Variants in CTDP1 observed in about 807,000 individuals in gnomAD.
The protein encoded by CTDP1 is CTD phosphatase 1.
CTDP1 carries 47 observed loss-of-function variants against 91.8 expected under a neutral mutation model. The observed-to-expected ratio is 0.51, with a 90% CI of 0.41 to 0.65. The LOEUF (loss-of-function observed/expected upper bound fraction) is 0.65, where lower values mean the gene tolerates loss of function less well. Ranked by LOEUF, CTDP1 falls within the 30% of genes least tolerant of loss-of-function variation. The pLI is 0.00. For missense variants in CTDP1, 1,272 were observed against 1,373.7 expected (o/e 0.93, Z 1.17); for synonymous variants, 656 against 598.5 (o/e 1.10, Z -1.40).
intron 1 of CTDP1, among the ~76,000 whole-genome samples, chr18:79,690,830 C>A (rs2085605200): frequency 6.6e-6 from 1 of 152,178 alleles, no homozygotes; most frequent in African/African-American, 2.4e-5. Context: ...GCAGAGCCTG[C>A]ACTAGAATAA....
chr18:79,744,345 C>T (rs1228420060), intron 12 of CTDP1, among the ~76,000 whole-genome samples: 2 of 152,222 alleles, frequency 1.3e-5, no homozygotes, highest in African/African-American at 4.8e-5. Flanking sequence ...AGACCTGACA[C>T]AGATACTTGG....
intron 1 of CTDP1, among the ~76,000 whole-genome samples, chr18:79,683,993 A>G (rs2085430675): frequency 6.6e-6 from 1 of 152,246 alleles, no homozygotes; most frequent in East Asian, 1.9e-4. Flanking sequence ...ATTTTTCAGG[A>G]ATAACGGGAA....
chr18:79,752,409 C>T lies in CTDP1; in HGVS notation c.2748-1243C>T, dbSNP rs1163999248. ...GCTCGTAAGGAAAGCCTAGTGGCACCGGCTGGTTATGCAGAGGCTCGTAAG... is the reference window on the plus strand; with the variant it reads ...GCTCGTAAGGAAAGCCTAGTGGCACTGGCTGGTTATGCAGAGGCTCGTAAG... On this transcript the variant is annotated intron_variant, in intron 12 of 12. Transcript: ENST00000613122. Among the ~76,000 whole-genome samples, 35 of 102,660 alleles carry T rather than the reference C, an allele frequency of 3.4e-4. 1 individual carries two copies. Among genetic ancestry groups the T allele is most frequent in the African/African-American group, 1.2e-3 (31 of 26,478 alleles). The allele number at this position is 102,660 out of a possible 152,430, so 67.3% of individuals were successfully genotyped here. A position where few individuals can be genotyped will look rare whatever the true frequency, so the allele number is the denominator to read the frequency against.
chr18:79,681,482 C>G, intron 1 of CTDP1: 1 of 985,428 alleles, frequency 1.0e-6, no homozygotes, highest in African/African-American at 1.7e-5. Context: ...TTCTGTTCCT[C>G]TGATTGTACA....
intron 11 of CTDP1, chr18:79,735,974 G>A (rs901239428): frequency 1.7e-5 from 4 of 235,110 alleles, no homozygotes; most frequent in African/African-American, 9.0e-5. Flanking sequence ...ACGCCTCCCT[G>A]AAAGCCCTGC....
chr18:79,729,193 G>A (rs2086514503), intron 11 of CTDP1, 124 bp downstream of exon 11: 1 of 1,243,678 alleles, frequency 8.0e-7, no homozygotes, highest in African/African-American at 1.5e-5. Flanking sequence ...CACTTGTGTA[G>A]TTGTGTCTGG....
In CTDP1 at chr18:79,736,360, CGACATCCTT is replaced by C; in HGVS notation, c.2588_2596del (p.Asp863_Leu865del). On this transcript the variant is annotated inframe_deletion, in exon 12 of 13. Coordinates refer to ENST00000613122, the MANE Select transcript of CTDP1 (RefSeq NM_004715.5). Reference sequence around the variant, plus strand: ...GACTCTTGGCTGTTTGTCAGGTGGACGACATCCTTGGAGAAGGCAGCGACGACAGCGACA... The same window carrying C: ...GACTCTTGGCTGTTTGTCAGGTGGACGGAGAAGGCAGCGACGACAGCGACA... 6.5e-7 allele frequency: 1 copy of C among 1,549,096 alleles called. No individual in the cohort carries two copies. The highest frequency in any genetic ancestry group is 1.4e-5 in the African/African-American group (1 of 73,076).
intron 1 of CTDP1, among the ~76,000 whole-genome samples, chr18:79,682,443 C>A (rs2085394557): frequency 6.6e-6 from 1 of 152,226 alleles, no homozygotes; most frequent in Non-Finnish European, 1.5e-5. Context: ...GTAGAAATCT[C>A]CGCAGCTTTT....
intron 6 of CTDP1, among the ~76,000 whole-genome samples, chr18:79,712,067 C>T (rs1251627489): frequency 7.5e-6 from 1 of 132,736 alleles, no homozygotes; most frequent in East Asian, 2.2e-4. Flanking sequence ...ACTTCAGAAA[C>T]CTCCTTTTTG....
intron 10 of CTDP1, among the ~76,000 whole-genome samples, chr18:79,725,177 CT>C (rs2086420411): frequency 6.6e-6 from 1 of 152,170 alleles, no homozygotes; most frequent in Non-Finnish European, 1.5e-5. Flanking sequence ...GTATAGTAAC[CT>C]TGATGCGCTT....
At position 79,713,209 on chromosome 18, in the gene CTDP1, ATC is replaced by A; in HGVS notation, c.1030+75_1030+76del. On this transcript the variant is annotated intron_variant, in intron 7 of 12. Transcript: ENST00000613122. This position sits in a 1 kb window ranked among gnomAD's most constrained non-coding sequence, Gnocchi z 4.7. The stretch of plus-strand genomic sequence containing the variant: ...TATTGTTTAGCTCTTCTTATTTCTT[ATC>A]TCTGTTTTGACTGCTATAAATTCAA... The A allele has an allele frequency of 2.0e-6, 3 of 1,464,240 alleles. No homozygotes were observed. The highest frequency in any genetic ancestry group is 1.2e-5 in the South Asian group (1 of 84,176). The allele number at this position is 1,464,240 out of a possible 1,614,324, so 90.7% of individuals were successfully genotyped here. A position where few individuals can be genotyped will look rare whatever the true frequency, so the allele number is the denominator to read the frequency against.
intron 4 of CTDP1, among the ~76,000 whole-genome samples, chr18:79,700,422 A>C (rs1351831626): frequency 6.6e-6 from 1 of 152,236 alleles, no homozygotes; most frequent in Non-Finnish European, 1.5e-5. Flanking sequence ...CTTATTGCTG[A>C]GAAAGAGAAA....
At chr18:79,733,777 A>C (rs1248861647) in intron 11 of CTDP1, among the ~76,000 whole-genome samples, 1 of 152,044 alleles carries the variant, frequency 6.6e-6, no homozygotes, top group East Asian at 1.9e-4. Context: ...AGAGCTGGGG[A>C]GAGTTTTATT....
intron 10 of CTDP1, among the ~76,000 whole-genome samples, chr18:79,725,364 TTCTCCA>T: frequency 6.6e-6 from 1 of 152,212 alleles, no homozygotes; most frequent in Non-Finnish European, 1.5e-5. Context: ...TTCGGGAGAA[TTCTCCA>T]GTGAGACCGT....
rs374658639 is a variant in CTDP1, at chr18:79,695,931, C to T, written c.399-46C>T. ...ACTTAGAGCCCAGTGTGCATCTGTG[C>T]GCAGAGACTCAGCTGAAAGCCCTGA... On this transcript the variant is annotated intron_variant, in intron 2 of 12. Coordinates refer to ENST00000613122, the MANE Select transcript of CTDP1 (RefSeq NM_004715.5). 2.4e-5 allele frequency: 35 copies of T among 1,485,328 alleles called. No individual in the cohort carries two copies. The East Asian group carries it at 2.9e-4, about 12-fold the overall frequency. The allele number at this position is 1,485,328 out of a possible 1,614,324, so 92.0% of individuals were successfully genotyped here.
chr18:79,683,642 C>G (rs746175243), intron 1 of CTDP1, among the ~76,000 whole-genome samples: 1 of 152,256 alleles, frequency 6.6e-6, no homozygotes, highest in Non-Finnish European at 1.5e-5. Flanking sequence ...CGCAGGCGAT[C>G]TGACGTTGGA....
At chr18:79,714,118 A>G (rs1207103428) in intron 7 of CTDP1, among the ~76,000 whole-genome samples, 1 of 152,104 alleles carries the variant, frequency 6.6e-6, no homozygotes, top group East Asian at 1.9e-4. Flanking sequence ...CAGCCCGGAA[A>G]CCTCTAGTTG....
At chr18:79,725,362 A>T (rs2086425206) in intron 10 of CTDP1, among the ~76,000 whole-genome samples, 1 of 152,128 alleles carries the variant, frequency 6.6e-6, no homozygotes, top group Non-Finnish European at 1.5e-5. Flanking sequence ...TATTCGGGAG[A>T]ATTCTCCAGT....
Position 79,742,374 on chromosome 18 carries a change from TCTC to T in CTDP1, c.2747+5857_2747+5859del, listed in dbSNP as rs200780847. Reference sequence around the variant, plus strand: ...GAGAACCCATCACACCACAGCCGCTTCTCCTCAGAGATGGCACCACCACACCCA... The same window carrying T: ...GAGAACCCATCACACCACAGCCGCTTCTCAGAGATGGCACCACCACACCCA... On this transcript the variant is annotated intron_variant, in intron 12 of 12. Transcript: ENST00000613122. 5.7e-3 allele frequency among the ~76,000 whole-genome samples: 865 copies of T among 152,130 alleles called. 3 individuals are homozygous for T. The highest frequency in any genetic ancestry group is 0.019 in the African/African-American group (794 of 41,486).
Sources: gnomAD v4.1 joint callset for allele counts (sites outside exome capture counted in the v4.1 genomes callset) on GRCh38, gnomAD v4.1.1 for gene constraint, Gnocchi (gnomAD v3.1) non-coding constraint, MANE v1.5 for transcripts, NCBI Gene and HGNC (gene_info 2026-07-23, HGNC 2026-07-21) for gene names.